Variants in RASA4B observed in about 807,000 individuals in gnomAD.
RASA4B encodes RAS p21 protein activator 4B, also known as ras GTPase-activating protein 4B.
RASA4B carries 2 observed loss-of-function variants against 24.2 expected under a neutral mutation model. That is an observed-to-expected ratio of 0.08 (90% confidence interval 0.03 to 0.26). The LOEUF is 0.26. Among genes scored for constraint, RASA4B ranks in the 10% least tolerant of loss-of-function variants. The pLI is 1.00. For missense variants in RASA4B, 8 were observed against 277.2 expected (o/e 0.03, Z 6.90); for synonymous variants, 2 against 125.6 (o/e 0.02, Z 6.58).
rs1344428163 is a variant in RASA4B at position 102,481,053 on chromosome 7, ATCTTC to A, written c.*2534_*2538del. Among the ~76,000 whole-genome samples, 7 of 91,820 alleles carry A rather than the reference ATCTTC, an allele frequency of 7.6e-5. 2 individuals are homozygous for A. The highest frequency in any genetic ancestry group is 2.1e-4 in the African/African-American group (7 of 32,570). The allele number at this position is 91,820 out of a possible 152,430, so 60.2% of individuals were successfully genotyped here. Reference sequence around the variant, plus strand: ...TTTGTTTTGTTGCAATTGGTTAAATATCTTCTCTTTTTTATACTTTTTATTGTAGT... The same window carrying A: ...TTTGTTTTGTTGCAATTGGTTAAATATCTTTTTTATACTTTTTATTGTAGT... On this transcript the variant is annotated 3_prime_UTR_variant, in exon 21 of 21. Transcript: ENST00000465829.
intron 8 of RASA4B, among the ~76,000 whole-genome samples, chr7:102,498,977 A>G (rs376187439): frequency 0.05 from 2,934 of 58,334 alleles, 1 homozygote; most frequent in African/African-American, 0.058. Flanking sequence ...GAACGTTGAG[A>G]TGGGAGGATT....
rs1285742282 is a variant in RASA4B, at chr7:102,480,299, T to A, written c.*3293A>T. Among the ~76,000 whole-genome samples the A allele has an allele frequency of 1.3e-5, 2 of 151,966 alleles. No homozygotes were observed. The highest frequency in any genetic ancestry group is 2.9e-5 in the Non-Finnish European group (2 of 67,982). ...GATCAGGATGAGGGTGGTGAGGTGG[T>A]GATCAGGGGGACCCATGCTTCTGCT... On this transcript the variant is annotated 3_prime_UTR_variant, in exon 21 of 21. Transcript: ENST00000465829.
At chr7:102,509,106 C>CTTT (rs1172102959) in intron 4 of RASA4B, among the ~76,000 whole-genome samples, 109 of 89,280 alleles carry the variant, frequency 1.2e-3, no homozygotes, top group East Asian at 0.011. Context: ...CGTGCCCGGC[C>CTTT]TTTTTTTTAA....
chr7:102,511,491 A>G (rs1799696287), intron 2 of RASA4B, among the ~76,000 whole-genome samples: 1 of 117,486 alleles, frequency 8.5e-6, no homozygotes, highest in South Asian at 2.8e-4. Flanking sequence ...TGGCTCTGCC[A>G]CTTTTACTAG....
intron 16 of RASA4B, among the ~76,000 whole-genome samples, chr7:102,492,789 C>T (rs1799002543): frequency 1.9e-5 from 2 of 106,996 alleles, no homozygotes; most frequent in African/African-American, 5.0e-5. Context: ...CTCAGCCTCC[C>T]GAGTAGCTGG....
At chr7:102,486,677 TG>T (rs1345766978) in intron 18 of RASA4B, among the ~76,000 whole-genome samples, 1 of 4,722 alleles carries the variant, frequency 2.1e-4, no homozygotes, top group African/African-American at 2.8e-4. Context: ...TTTGTTTTTT[TG>T]TTTTTTTTTT....
chr7:102,498,156 C>T (rs1404155970), intron 8 of RASA4B, among the ~76,000 whole-genome samples: 223 of 135,766 alleles, frequency 1.6e-3, no homozygotes, highest in Admixed American at 0.016. Flanking sequence ...GCCTTGGCCT[C>T]CCAAAGTGCT....
rs1798606540 is a variant in RASA4B at position 102,481,460 on chromosome 7, T to G, written c.*2132A>C. Among the ~76,000 whole-genome samples the G allele has an allele frequency of 2.3e-5, 2 of 87,872 alleles. No homozygotes were observed. Among genetic ancestry groups the G allele is most frequent in the African/African-American group, 7.2e-5 (2 of 27,784 alleles). The allele number at this position is 87,872 out of a possible 152,430, so 57.6% of individuals were successfully genotyped here. A position where few individuals can be genotyped will look rare whatever the true frequency, so the allele number is the denominator to read the frequency against. On this transcript the variant is annotated 3_prime_UTR_variant, in exon 21 of 21. Coordinates refer to ENST00000465829, the MANE Select transcript of RASA4B (RefSeq NM_001367767.2). ...CGGTCAGATCACCTGAGGTCAGGAG[T>G]TCGAGACCAGTCTGGCCAACATGGA...
intron 16 of RASA4B, among the ~76,000 whole-genome samples, chr7:102,491,883 CAGG>C (rs1350992638): frequency 1.4e-3 from 78 of 55,768 alleles, no homozygotes; most frequent in Non-Finnish European, 2.8e-3. Context: ...GAGGCTGGGG[CAGG>C]AGGATTGCCT....
intron 4 of RASA4B, among the ~76,000 whole-genome samples, chr7:102,509,114 TA>T (rs1554584911): frequency 4.1e-4 from 36 of 88,436 alleles, no homozygotes; most frequent in African/African-American, 1.2e-3. Context: ...GCCTTTTTTT[TA>T]AAAAAAAACT....
At chr7:102,496,093 C>G in intron 11 of RASA4B, 47 bp downstream of exon 11, 1 of 1,611,868 alleles carries the variant, frequency 6.2e-7, no homozygotes, top group East Asian at 2.2e-5. Flanking sequence ...CTCTGAAGCT[C>G]AGTGTTGTCG....
chr7:102,492,691 G>A (rs1356228411), intron 16 of RASA4B, among the ~76,000 whole-genome samples: 1 of 137,384 alleles, frequency 7.3e-6, no homozygotes, highest in Non-Finnish European at 1.6e-5. Context: ...TTGAGACGGA[G>A]TCTTGCTCTG....
At chr7:102,489,716 A>C in intron 17 of RASA4B, among the ~76,000 whole-genome samples, 5 of 136,646 alleles carry the variant, frequency 3.7e-5, no homozygotes, top group East Asian at 2.4e-4. Flanking sequence ...GCTATACCCC[A>C]CTCTCTTCCC....
At position 102,480,665 on chromosome 7, in the gene RASA4B, G is replaced by C. The variant is rs530695810; in HGVS notation, c.*2927C>G. On this transcript the variant is annotated 3_prime_UTR_variant, in exon 21 of 21. Coordinates refer to ENST00000465829, the MANE Select transcript of RASA4B (RefSeq NM_001367767.2). ...CTCTCCCCCTGACCCCTGCCTCTGG[G>C]TCATTTTGCAGCAAATCCCAAATGC... 1.8e-5 allele frequency among the ~76,000 whole-genome samples: 1 copy of C among 55,988 alleles called. No individual in the cohort carries two copies. Among genetic ancestry groups the C allele is most frequent in the East Asian group, 3.2e-4 (1 of 3,130 alleles). The allele number at this position is 55,988 out of a possible 152,430, so 36.7% of individuals were successfully genotyped here. A position where few individuals can be genotyped will look rare whatever the true frequency, so the allele number is the denominator to read the frequency against.
At chr7:102,491,586 G>A (rs547189059) in intron 16 of RASA4B, among the ~76,000 whole-genome samples, 27 of 56,682 alleles carry the variant, frequency 4.8e-4, no homozygotes, top group African/African-American at 7.9e-4. Context: ...TGACAAACAT[G>A]GAGGAACTCC....
intron 1 of RASA4B, among the ~76,000 whole-genome samples, chr7:102,512,927 A>G: frequency 6.8e-6 from 1 of 147,722 alleles, no homozygotes; most frequent in Non-Finnish European, 1.5e-5. Context: ...AGAGGGACAG[A>G]GGGAGGGGGT....
At position 102,481,662 on chromosome 7, in the gene RASA4B, T is replaced by C; in HGVS notation, c.*1930A>G. Among the ~76,000 whole-genome samples the C allele has an allele frequency of 1.5e-5, 1 of 66,894 alleles. No homozygotes were observed. Among genetic ancestry groups the C allele is most frequent in the Admixed American group, 2.1e-4 (1 of 4,826 alleles). 43.9% of individuals were successfully genotyped at this position (66,894 alleles called of 152,430 possible). ...GCCTGGGCAACACAGTGAGACTCTG[T>C]CTCAAAAAAAAAAAAAAAAAAAATT... On this transcript the variant is annotated 3_prime_UTR_variant, in exon 21 of 21. Coordinates refer to ENST00000465829, the MANE Select transcript of RASA4B (RefSeq NM_001367767.2).
At position 102,480,329 on chromosome 7, in the gene RASA4B, G is replaced by A. The variant is rs911585232; in HGVS notation, c.*3263C>T. Among the ~76,000 whole-genome samples the A allele has an allele frequency of 6.6e-5, 10 of 151,850 alleles. No individual in the cohort carries two copies. The highest frequency in any genetic ancestry group is 1.2e-4 in the Non-Finnish European group (8 of 67,950). On this transcript the variant is annotated 3_prime_UTR_variant, in exon 21 of 21. Transcript: ENST00000465829. ...AGGGGGACCCATGCTTCTGCTCAGG[G>A]GGTTGGCAGAAGCCAGCAAGGCTTG... is the stretch of plus-strand genomic sequence containing the variant.
At chr7:102,486,683 T>TG (rs1303897524) in intron 18 of RASA4B, among the ~76,000 whole-genome samples, 5 of 4,302 alleles carry the variant, frequency 1.2e-3, no homozygotes, top group South Asian at 0.033. Flanking sequence ...TTTTTGTTTT[T>TG]TTTTTTTTGA....
Sources: gnomAD v4.1 joint callset for allele counts (sites outside exome capture counted in the v4.1 genomes callset) on GRCh38, gnomAD v4.1.1 for gene constraint, MANE v1.5 for transcripts, NCBI Gene and HGNC (gene_info 2026-07-23, HGNC 2026-07-21) for gene names.